The following SGSM3 variants were observed in gnomAD, a reference collection of about 807,000 sequenced individuals.
SGSM3 encodes small G protein signaling modulator 3, also known as RUN and SH3 containing 3.
SGSM3 carries 96 observed loss-of-function variants against 100.5 expected under a neutral mutation model. The ratio of observed to expected loss-of-function variants is 0.96; its 90% CI spans 0.81 to 1.13. The LOEUF (loss-of-function observed/expected upper bound fraction) is 1.13. Among genes scored for constraint, SGSM3 ranks in the 50% most tolerant of loss-of-function variants. The pLI, the probability that SGSM3 is intolerant of heterozygous loss-of-function variation, is 0.00. For synonymous variants in SGSM3, 483 were observed against 422.8 expected, an observed-to-expected ratio of 1.14 and a Z score of -1.75; for missense variants, 1,001 against 1,015.8, an observed-to-expected ratio of 0.99 and a Z score of 0.20.
rs147284914 is a variant in SGSM3, at chr22:40,408,329, G to A, written c.1682G>A (p.Arg561Gln). ...ACGGAGGGGGTCACAGACCTCGTGC[G>A]AGGGACCCTCTGCCCGGCCCTTAAG... Reference protein sequence around the residue: ...SVTEGVTDLVRGTLCPALKAL... With the variant: ...SVTEGVTDLVQGTLCPALKAL... Residue 561 changes from arginine (R) to glutamine (Q), a missense_variant, in exon 16 of 22, where the codon CGA becomes CAA. Transcript: ENST00000248929. 4.3e-6 allele frequency: 7 copies of A among 1,613,468 alleles called. No individual in the cohort carries two copies. Among genetic ancestry groups the A allele is most frequent in the Non-Finnish European group, 5.9e-6 (7 of 1,180,012 alleles).
At chr22:40,393,363 C>T (rs2049618030) in intron 1 of SGSM3, among the ~76,000 whole-genome samples, 1 of 152,242 alleles carries the variant, frequency 6.6e-6, no homozygotes, top group Admixed American at 6.5e-5. Flanking sequence ...GGTGATCCGC[C>T]TGCCTTGGGT....
intron 1 of SGSM3, among the ~76,000 whole-genome samples, chr22:40,380,966 G>A (rs766149890): frequency 1.3e-5 from 2 of 151,998 alleles, no homozygotes; most frequent in African/African-American, 4.8e-5. Context: ...AATACAAGTT[G>A]CTGCAGCTTC....
At position 40,405,659 on chromosome 22, in the gene SGSM3, G is replaced by A. The variant is rs200166891; in HGVS notation, c.629G>A (p.Cys210Tyr). 1 of 1,612,974 alleles carries A rather than the reference G, an allele frequency of 6.2e-7. No individual in the cohort carries two copies. Residue 210 changes from cysteine to tyrosine, a missense_variant, in exon 8 of 22, where the codon TGC (cysteine) becomes TAC (tyrosine). Transcript: ENST00000248929. ...CTGTGCCCTGGCCAGGTGGCCGCCT[G>A]CCTCCTGCTGTTCCTGGAGGAGGAG... The part of the protein sequence containing the change: ...YCQGTGMVAA[C>Y]LLLFLEEEDA...
chr22:40,404,748 T>C lies in SGSM3; in HGVS notation c.474+84T>C, dbSNP rs934451331. Reference sequence around the variant, plus strand: ...GGGAGCCTGCCTGGGGTTCTTAGAGTGTGCCCTTGTTGTGGGGTAGGGGAG... The same window carrying C: ...GGGAGCCTGCCTGGGGTTCTTAGAGCGTGCCCTTGTTGTGGGGTAGGGGAG... On this transcript the variant is annotated intron_variant, in intron 6 of 21. Coordinates refer to ENST00000248929, the MANE Select transcript of SGSM3 (RefSeq NM_015705.6). The C allele has an allele frequency of 7.3e-6, 7 of 960,904 alleles. No homozygotes were observed. The African/African-American group carries it at 9.8e-5, about 13-fold the overall frequency. 59.5% of individuals were successfully genotyped at this position (960,904 alleles called of 1,614,324 possible). A position where few individuals can be genotyped will look rare whatever the true frequency, so the allele number is the denominator to read the frequency against.
intron 1 of SGSM3, chr22:40,390,567 A>C (rs1479510005): frequency 6.6e-6 from 1 of 152,184 alleles, no homozygotes; most frequent in African/African-American, 2.4e-5. Context: ...TGTAGGATAA[A>C]TTTCCAGAAG....
At chr22:40,404,504 A>C (rs751541780) in intron 5 of SGSM3, 49 bp downstream of exon 5, 2 of 1,610,464 alleles carry the variant, frequency 1.2e-6, no homozygotes, top group South Asian at 1.1e-5. Context: ...TCCTGGCCCC[A>C]TGATCAGGTG....
chr22:40,389,645 C>T (rs1431625972), intron 1 of SGSM3, among the ~76,000 whole-genome samples: 1 of 144,772 alleles, frequency 6.9e-6, no homozygotes, highest in Non-Finnish European at 1.5e-5. Flanking sequence ...CGGTGGCTCA[C>T]GCCTGTAATC....
chr22:40,386,205 G>C (rs1454756156), intron 1 of SGSM3, among the ~76,000 whole-genome samples: 1 of 152,102 alleles, frequency 6.6e-6, no homozygotes, highest in South Asian at 2.1e-4. Context: ...AATGGGGCTA[G>C]ATGAGGCAAA....
chr22:40,406,311 C>G, intron 9 of SGSM3, 88 bp downstream of exon 9: 1 of 1,561,438 alleles, frequency 6.4e-7, no homozygotes, highest in Non-Finnish European at 8.7e-7. Flanking sequence ...CAGGCAAGAC[C>G]AGCCCCCTGG....
chr22:40,407,978 C>A lies in SGSM3; in HGVS notation c.1580-93C>A. ...GCTTGAGGTCCCTGAAGCAGCTGAG[C>A]CGGCTTCCCACTGCCTCAGCCTGCC... On this transcript the variant is annotated intron_variant, in intron 14 of 21. Coordinates refer to ENST00000248929, the MANE Select transcript of SGSM3 (RefSeq NM_015705.6). The surrounding 1 kb of genome is among the most constrained non-coding windows in gnomAD (Gnocchi z 4.7). 6.8e-7 allele frequency: 1 copy of A among 1,478,924 alleles called. No homozygotes were observed. Among genetic ancestry groups the A allele is most frequent in the Non-Finnish European group, 9.3e-7 (1 of 1,076,808 alleles). The allele number at this position is 1,478,924 out of a possible 1,614,324, so 91.6% of individuals were successfully genotyped here.
intron 1 of SGSM3, among the ~76,000 whole-genome samples, chr22:40,393,783 C>T (rs914586522): frequency 1.5e-4 from 23 of 152,206 alleles, no homozygotes; most frequent in African/African-American, 5.1e-4. Context: ...GGCAAGAGAG[C>T]CAACTCCTTC....
intron 1 of SGSM3, among the ~76,000 whole-genome samples, chr22:40,372,480 G>A (rs751633413): frequency 3.3e-5 from 5 of 152,102 alleles, no homozygotes; most frequent in South Asian, 4.1e-4. Flanking sequence ...AGAGGGTGAG[G>A]TGTCTATTGA....
rs202226045 is a variant in SGSM3, at chr22:40,407,284, G to A, written c.1324G>A (p.Val442Met). Reference sequence around the variant, plus strand: ...TGACCTCCGGGAAGCCATCCTGCGCGTGGCACGCCACTTCCAGTGCACAGA... The same window carrying A: ...TGACCTCCGGGAAGCCATCCTGCGCATGGCACGCCACTTCCAGTGCACAGA... ...VADLREAILR[V>M]ARHFQCTDPK... Residue 442 changes from valine to methionine, a missense_variant, in exon 12 of 22, where the codon GTG becomes ATG. Physicochemically the swap from Val to Met is conservative, Grantham distance 21. Coordinates refer to ENST00000248929, the MANE Select transcript of SGSM3 (RefSeq NM_015705.6). The surrounding 1 kb of genome is among the most constrained non-coding windows in gnomAD (Gnocchi z 4.7). 4.8e-5 allele frequency: 77 copies of A among 1,613,478 alleles called. No individual in the cohort carries two copies. The highest frequency in any genetic ancestry group is 1.6e-4 in the East Asian group (7 of 44,890).
chr22:40,371,616 G>T, intron 1 of SGSM3, among the ~76,000 whole-genome samples: 1 of 151,972 alleles, frequency 6.6e-6, no homozygotes, highest in Non-Finnish European at 1.5e-5. Flanking sequence ...AATTATCTCT[G>T]CACTCTAAAC....
intron 1 of SGSM3, among the ~76,000 whole-genome samples, chr22:40,393,018 T>C (rs2049560283): frequency 6.6e-6 from 1 of 152,250 alleles, no homozygotes; most frequent in South Asian, 2.1e-4. Flanking sequence ...CAGTATTTCA[T>C]TCCTTTTATG....
At chr22:40,370,876 G>A (rs1188162058) in intron 1 of SGSM3, among the ~76,000 whole-genome samples, 188 bp downstream of exon 1, 1 of 152,200 alleles carries the variant, frequency 6.6e-6, no homozygotes, top group African/African-American at 2.4e-5. Flanking sequence ...CCGTTGGAAT[G>A]GGGGCCGGGG....
chr22:40,377,922 G>T (rs1203291667), intron 1 of SGSM3, among the ~76,000 whole-genome samples: 1 of 151,942 alleles, frequency 6.6e-6, no homozygotes, highest in African/African-American at 2.4e-5. Flanking sequence ...GAAGATGTGG[G>T]TATCTTCAAA....
intron 1 of SGSM3, among the ~76,000 whole-genome samples, chr22:40,374,686 G>C (rs2046254342): frequency 6.6e-6 from 1 of 152,164 alleles, no homozygotes; most frequent in Admixed American, 6.5e-5. Context: ...GTTCAAGACT[G>C]GTCTGGGCAA....
chr22:40,374,737 A>T (rs558626821), intron 1 of SGSM3, among the ~76,000 whole-genome samples: 46 of 152,308 alleles, frequency 3.0e-4, no homozygotes, highest in Non-Finnish European at 5.7e-4. Context: ...TAAAATTGCC[A>T]GTCATGGTGA....
Sources: allele counts gnomAD v4.1 joint callset (sites outside exome capture counted in the v4.1 genomes callset), GRCh38; gene constraint gnomAD v4.1.1; non-coding constraint Gnocchi (gnomAD v3.1); transcripts MANE v1.5; gene names NCBI Gene and HGNC (gene_info 2026-07-23, HGNC 2026-07-21).